Variants in KCNMB2 observed in about 807,000 individuals in gnomAD.
KCNMB2 encodes the protein calcium-activated potassium channel subunit beta-2.
KCNMB2 carries 9 observed loss-of-function variants against 24.5 expected under a neutral mutation model. The ratio of observed to expected loss-of-function variants is 0.37; its 90% CI spans 0.22 to 0.64. KCNMB2 has a LOEUF of 0.64. Among genes scored for constraint, KCNMB2 ranks in the 30% least tolerant of loss-of-function variants. KCNMB2 has a pLI of 0.63. For missense variants in KCNMB2, 226 were observed against 284.3 expected (o/e 0.79, Z 1.47); for synonymous variants, 109 against 104.4 (o/e 1.04, Z -0.27).
chr3:178,743,816 G>C (rs1053683567), intron 1 of KCNMB2, among the ~76,000 whole-genome samples: 1 of 152,192 alleles, frequency 6.6e-6, no homozygotes, highest in African/African-American at 2.4e-5. Flanking sequence ...TTTGATGCAG[G>C]AGGATCAAGG....
intron 1 of KCNMB2, among the ~76,000 whole-genome samples, chr3:178,555,149 T>C (rs1401611495): frequency 6.6e-6 from 1 of 152,166 alleles, no homozygotes; most frequent in African/African-American, 2.4e-5. Flanking sequence ...GCTGCTCAGG[T>C]GGACTCTGCA....
intron 1 of KCNMB2, among the ~76,000 whole-genome samples, chr3:178,768,635 T>C (rs778136560): frequency 9.2e-5 from 14 of 152,080 alleles, no homozygotes; most frequent in Non-Finnish European, 2.1e-4. Flanking sequence ...TTTTGAAAGG[T>C]CAAGAAGTCT....
At chr3:178,759,772 GAGGATATATCTATATATATATA>G (rs1711662137) in intron 1 of KCNMB2, among the ~76,000 whole-genome samples, 1 of 29,826 alleles carries the variant, frequency 3.4e-5, no homozygotes. Flanking sequence ...ATATATCCAA[GAGGATATATCTATATATATATA>G]TATCCAAGAG....
chr3:178,709,560 G>A (rs1315954535), intron 1 of KCNMB2, among the ~76,000 whole-genome samples: 2 of 152,140 alleles, frequency 1.3e-5, no homozygotes, highest in African/African-American at 4.8e-5. Flanking sequence ...TATACAGTAC[G>A]ATTCCCTAAC....
chr3:178,619,732 C>T (rs1294096561), intron 1 of KCNMB2, among the ~76,000 whole-genome samples: 1 of 152,014 alleles, frequency 6.6e-6, no homozygotes, highest in Non-Finnish European at 1.5e-5. Context: ...TTTCCTTGAC[C>T]CACGAAATTG....
At chr3:178,673,274 T>C (rs897035960) in intron 1 of KCNMB2, among the ~76,000 whole-genome samples, 1 of 152,180 alleles carries the variant, frequency 6.6e-6, no homozygotes, top group Non-Finnish European at 1.5e-5. Flanking sequence ...GGAGTCTCAC[T>C]TTTTATTCAT....
intron 1 of KCNMB2, among the ~76,000 whole-genome samples, chr3:178,751,756 A>G (rs1013045547): frequency 6.6e-6 from 1 of 152,222 alleles, no homozygotes; most frequent in Non-Finnish European, 1.5e-5. Flanking sequence ...GAGACAATCA[A>G]TCCCTGAGAC....
intron 1 of KCNMB2, among the ~76,000 whole-genome samples, chr3:178,695,027 C>T (rs1241695774): frequency 6.6e-6 from 1 of 152,242 alleles, no homozygotes; most frequent in Non-Finnish European, 1.5e-5. Context: ...CAGGTTTCTG[C>T]CTGGGCATCC....
At chr3:178,758,658 A>ATATATCTCCAAGAGGATATATATCTC (rs1265304473) in intron 1 of KCNMB2, among the ~76,000 whole-genome samples, 1 of 58,716 alleles carries the variant, frequency 1.7e-5, no homozygotes, top group African/African-American at 5.7e-5. Context: ...ATATATATAT[A>ATATATCTCCAAGAGGATATATATCTC]TCTCTCTCCA....
chr3:178,757,321 C>CAT lies in KCNMB2; in HGVS notation c.-67-50013_-67-50012dup, dbSNP rs1319597825. Among the ~76,000 whole-genome samples the CAT allele has an allele frequency of 2.5e-5, 2 of 80,908 alleles. 1 individual carries two copies. The highest frequency in any genetic ancestry group is 5.2e-5 in the Non-Finnish European group (2 of 38,466). The allele number at this position is 80,908 out of a possible 152,430, so 53.1% of individuals were successfully genotyped here. ...ATATATATATATCCATCCAAGAGGA[C>CAT]ATATATATATGTATATATATCCAAG... On this transcript the variant is annotated intron_variant, in intron 1 of 4. Transcript: ENST00000452583.
chr3:178,772,828 T>C (rs1014156444), intron 1 of KCNMB2, among the ~76,000 whole-genome samples: 2 of 152,198 alleles, frequency 1.3e-5, no homozygotes, highest in Non-Finnish European at 2.9e-5. Context: ...TGATGGTAAT[T>C]AATTTCCATC....
chr3:178,725,907 GTTTTAGTTGGTATATTTAGA>G (rs1722952762), intron 1 of KCNMB2, among the ~76,000 whole-genome samples: 1 of 151,516 alleles, frequency 6.6e-6, no homozygotes, highest in Non-Finnish European at 1.5e-5. Context: ...CAATCTCTAT[GTTTTAGTTGGTATATTTAGA>G]TCATTTGCTT....
chr3:178,550,131 T>G (rs544410374), intron 1 of KCNMB2, among the ~76,000 whole-genome samples: 1 of 152,218 alleles, frequency 6.6e-6, no homozygotes, highest in South Asian at 2.1e-4. Context: ...GGAGAGATTC[T>G]TTGTCTAATA....
At chr3:178,696,489 T>C (rs1348470841) in intron 1 of KCNMB2, among the ~76,000 whole-genome samples, 2 of 152,236 alleles carry the variant, frequency 1.3e-5, no homozygotes, top group Non-Finnish European at 2.9e-5. Flanking sequence ...TTTTCTCTTT[T>C]GTTCTTTATT....
intron 1 of KCNMB2, among the ~76,000 whole-genome samples, chr3:178,791,151 G>A (rs115403552): frequency 0.011 from 1,699 of 152,262 alleles, 32 homozygotes; most frequent in African/African-American, 0.039. Context: ...GGCCAATACC[G>A]GAATGACAGA....
intron 1 of KCNMB2, among the ~76,000 whole-genome samples, chr3:178,707,041 A>T (rs1722301908): frequency 6.6e-6 from 1 of 152,146 alleles, no homozygotes; most frequent in African/African-American, 2.4e-5. Flanking sequence ...AAAAGAAAAA[A>T]AGTAAAGAAT....
intron 2 of KCNMB2, among the ~76,000 whole-genome samples, chr3:178,821,078 C>G (rs1215824543): frequency 6.6e-6 from 1 of 152,136 alleles, no homozygotes; most frequent in African/African-American, 2.4e-5. Context: ...TAGTCATACC[C>G]CAGACTCATT....
intron 1 of KCNMB2, among the ~76,000 whole-genome samples, chr3:178,769,965 C>T (rs1005603280): frequency 2.6e-5 from 4 of 152,116 alleles, no homozygotes; most frequent in Admixed American, 2.0e-4. Flanking sequence ...ATGTCTGTAA[C>T]TCAGTCAATA....
rs894463245 is a variant in KCNMB2 at position 178,565,008 on chromosome 3, C to T, written c.-68+28297C>T. Reference sequence around the variant, plus strand: ...TAAAGTATATGAAATTAAATTCATTCGGAAGAATATTTTAGTAATATTTCT... The same window carrying T: ...TAAAGTATATGAAATTAAATTCATTTGGAAGAATATTTTAGTAATATTTCT... On this transcript the variant is annotated intron_variant, in intron 1 of 4. Coordinates refer to ENST00000452583, the MANE Select transcript of KCNMB2 (RefSeq NM_181361.3). 7.3e-5 allele frequency among the ~76,000 whole-genome samples: 11 copies of T among 151,672 alleles called. No homozygotes were observed. In the South Asian group the frequency reaches 1.3e-3, roughly 17 times the overall value.
Sources: gnomAD v4.1 joint callset for allele counts (sites outside exome capture counted in the v4.1 genomes callset) on GRCh38, gnomAD v4.1.1 for gene constraint, MANE v1.5 for transcripts, NCBI Gene and HGNC (gene_info 2026-07-23, HGNC 2026-07-21) for gene names.